The following RNASEL variants were observed in gnomAD, a reference collection of about 807,000 sequenced individuals.
RNASEL encodes 2-5A-dependent ribonuclease.
In RNASEL, 36 loss-of-function variants were observed where a neutral mutation model predicts 50.9. That is an observed-to-expected ratio of 0.71 (90% CI 0.54 to 0.93). The LOEUF (loss-of-function observed/expected upper bound fraction) is 0.93, where lower values mean the gene tolerates loss of function less well. Ranked by LOEUF, RNASEL falls within the 40% of genes least tolerant of loss-of-function variation. RNASEL has a pLI of 0.00. For missense variants in RNASEL, 860 were observed against 894.5 expected (o/e 0.96, Z 0.49); for synonymous variants, 335 against 335.6 (o/e 1.00, Z 0.02).
At position 182,582,176 on chromosome 1, in the gene RNASEL, A is replaced by G; in HGVS notation, c.1649T>C (p.Val550Ala). 1 of 1,614,140 alleles carries G rather than the reference A, an allele frequency of 6.2e-7. No homozygotes were observed. The highest frequency in any genetic ancestry group is 8.5e-7 in the Non-Finnish European group (1 of 1,180,024). The change falls in exon 4 of 7, where the codon GTG becomes GCG. Residue 550 changes from valine (V) to alanine (A), a missense_variant. Physicochemically the swap from Val to Ala is moderately conservative, Grantham distance 64. Coordinates refer to ENST00000367559, the MANE Select transcript of RNASEL (RefSeq NM_021133.4). ...EDLKAQSNEE[V>A]VQLSPDEETK... ...TTCCTCATCTGGAGAAAGTTGAACCACCTCTTCATTACTTTGAGCTTTCAG... is the reference window on the plus strand; with the variant it reads ...TTCCTCATCTGGAGAAAGTTGAACCGCCTCTTCATTACTTTGAGCTTTCAG...
intron 5 of RNASEL, among the ~76,000 whole-genome samples, chr1:182,577,874 T>C (rs1317113694): frequency 6.6e-6 from 1 of 152,022 alleles, no homozygotes; most frequent in Non-Finnish European, 1.5e-5. Context: ...GGCAAAAACA[T>C]ACACTGGGAA....
intron 3 of RNASEL, among the ~76,000 whole-genome samples, chr1:182,583,553 G>A (rs1328457606): frequency 2.0e-5 from 3 of 152,060 alleles, no homozygotes; most frequent in South Asian, 2.1e-4. Flanking sequence ...GGGTGTTGCC[G>A]AAGGAGAGCA....
intron 5 of RNASEL, among the ~76,000 whole-genome samples, chr1:182,580,659 G>A (rs1352619210): frequency 6.6e-6 from 1 of 152,238 alleles, no homozygotes; most frequent in East Asian, 1.9e-4. Context: ...AGATTGAGAT[G>A]ATGACTAATT....
chr1:182,581,444 T>A, intron 4 of RNASEL, 87 bp from the exon 5 acceptor site: 10 of 1,516,206 alleles, frequency 6.6e-6, no homozygotes, highest in Non-Finnish European at 9.1e-6. Flanking sequence ...TAGATTTTGG[T>A]GTTTTTTGTG....
At chr1:182,579,093 G>A (rs1661443498) in intron 5 of RNASEL, 2 of 244,854 alleles carry the variant, frequency 8.2e-6, no homozygotes, top group Non-Finnish European at 1.3e-5. Context: ...AGGGTTGGAG[G>A]GAGAGGGATG....
In RNASEL at chr1:182,574,414, T is replaced by C. The variant is rs921901215; in HGVS notation, c.*978A>G. On this transcript the variant is annotated 3_prime_UTR_variant, in exon 7 of 7. Coordinates refer to ENST00000367559, the MANE Select transcript of RNASEL (RefSeq NM_021133.4). ...CTGTGGGGCTGACACCAGAAGGAAC[T>C]CCATCACTACAGATCCAGCAAGAGT... is the stretch of plus-strand genomic sequence containing the variant. 4.4e-6 allele frequency: 1 copy of C among 229,334 alleles called. No individual in the cohort carries two copies. The highest frequency in any genetic ancestry group is 8.6e-6 in the Non-Finnish European group (1 of 115,742). The allele number at this position is 229,334 out of a possible 1,614,324, so 14.2% of individuals were successfully genotyped here.
At chr1:182,588,747 G>A (rs1249492369) in intron 1 of RNASEL, among the ~76,000 whole-genome samples, 1 of 152,216 alleles carries the variant, frequency 6.6e-6, no homozygotes, top group Non-Finnish European at 1.5e-5. Context: ...TTGAACCAAA[G>A]TGTTTGTGTA....
Position 182,586,383 on chromosome 1 carries a change from T to C in RNASEL, c.424A>G (p.Lys142Glu). ...AAVYGKVKAL[K>E]FLYKRGANVN... ...TTTGCTCCTCTCTTATAAAGGAATT[T>C]TAGGGCTTTGACCTTACCATACACA... The change falls in exon 2 of 7, where the codon AAA (lysine) becomes GAA (glutamate). Residue 142 changes from lysine (K) to glutamate (E), a missense_variant. By Grantham distance (56) the Lys-to-Glu change is moderately conservative (BLOSUM62 1). Coordinates refer to ENST00000367559, the MANE Select transcript of RNASEL (RefSeq NM_021133.4). 6.2e-7 allele frequency: 1 copy of C among 1,614,208 alleles called. No homozygotes were observed. The highest frequency in any genetic ancestry group is 1.3e-5 in the African/African-American group (1 of 75,048).
At position 182,575,026 on chromosome 1, in the gene RNASEL, G is replaced by A. The variant is rs1353196561; in HGVS notation, c.*366C>T. 1.4e-5 allele frequency: 5 copies of A among 357,184 alleles called. No homozygotes were observed. Among genetic ancestry groups the A allele is most frequent in the African/African-American group, 1.0e-4 (5 of 48,700 alleles). 22.1% of individuals were successfully genotyped at this position (357,184 alleles called of 1,614,324 possible). A position where few individuals can be genotyped will look rare whatever the true frequency, so the allele number is the denominator to read the frequency against. ...AGTAGCTCACACTCTCTGAGTCTCA[G>A]GTTCCTCAGTTCTTAAATGGGGATG... On this transcript the variant is annotated 3_prime_UTR_variant, in exon 7 of 7. Coordinates refer to ENST00000367559, the MANE Select transcript of RNASEL (RefSeq NM_021133.4).
intron 5 of RNASEL, 85 bp from the exon 6 acceptor site, chr1:182,576,474 A>G: frequency 9.9e-7 from 1 of 1,009,652 alleles, no homozygotes; most frequent in South Asian, 1.5e-5. Context: ...GGCAAAATAT[A>G]AATTTGAATA....
At chr1:182,584,316 C>T (rs1661552317) in intron 2 of RNASEL, 150 bp from the exon 3 acceptor site, 2 of 670,760 alleles carry the variant, frequency 3.0e-6, no homozygotes, top group East Asian at 2.8e-5. Flanking sequence ...GCCATTCACC[C>T]CTCAAAACAC....
chr1:182,580,115 T>C (rs1661463254), intron 5 of RNASEL: 4 of 362,108 alleles, frequency 1.1e-5, no homozygotes, highest in Non-Finnish European at 5.5e-6. Context: ...TGATACTACG[T>C]AATCATTAGC....
In RNASEL at chr1:182,579,194, A is replaced by T. The variant is rs571312798; in HGVS notation, c.1905+2031T>A. On this transcript the variant is annotated intron_variant, in intron 5 of 6. Coordinates refer to ENST00000367559, the MANE Select transcript of RNASEL (RefSeq NM_021133.4). Reference sequence around the variant, plus strand: ...CCACTACACAATATATCCATGTAACAAAACTATACTAGTACCCTCTAAAAT... The same window carrying T: ...CCACTACACAATATATCCATGTAACTAAACTATACTAGTACCCTCTAAAAT... 2 of 967,714 alleles carry T rather than the reference A, an allele frequency of 2.1e-6. 1 individual carries two copies. Among genetic ancestry groups the T allele is most frequent in the South Asian group, 9.6e-5 (2 of 20,878 alleles). The allele number at this position is 967,714 out of a possible 1,614,324, so 59.9% of individuals were successfully genotyped here.
rs1661571802 is a variant in RNASEL, at chr1:182,585,377, A to G, written c.1430T>C (p.Leu477Ser). The change falls in exon 2 of 7, where the codon TTG becomes TCG. Residue 477 changes from leucine (L) to serine (S), a missense_variant. Transcript: ENST00000367559. ...ATCCTGGTGGGTGTATCCACAGGAC[A>G]AGTGTAGTTCTTGAACAGCCTTAAA... ...SIFKAVQELH[L>S]SCGYTHQDLQ... 7 of 1,614,206 alleles carry G rather than the reference A, an allele frequency of 4.3e-6. No individual in the cohort carries two copies. The highest frequency in any genetic ancestry group is 4.2e-6 in the Non-Finnish European group (5 of 1,180,006).
At chr1:182,582,307 G>C (rs1380073157) in intron 3 of RNASEL, 49 bp from the exon 4 acceptor site, 7 of 1,603,154 alleles carry the variant, frequency 4.4e-6, no homozygotes, top group Non-Finnish European at 6.0e-6. Context: ...AATTATTTGG[G>C]TAACCCTGGA....
At chr1:182,583,124 T>C (rs1571267629) in intron 3 of RNASEL, among the ~76,000 whole-genome samples, 1 of 152,196 alleles carries the variant, frequency 6.6e-6, no homozygotes, top group African/African-American at 2.4e-5. Flanking sequence ...ACTTTGTTCC[T>C]AGGTAGAAAA....
At chr1:182,577,782 T>G (rs1345988705) in intron 5 of RNASEL, among the ~76,000 whole-genome samples, 1 of 151,978 alleles carries the variant, frequency 6.6e-6, no homozygotes, top group Non-Finnish European at 1.5e-5. Flanking sequence ...GGTATAAAAA[T>G]AGACACATAG....
At chr1:182,587,690 A>G (rs990068378) in intron 1 of RNASEL, among the ~76,000 whole-genome samples, 1 of 151,808 alleles carries the variant, frequency 6.6e-6, no homozygotes, top group African/African-American at 2.4e-5. Flanking sequence ...CCCTCATTCA[A>G]TAAGAAAAAT....
chr1:182,583,712 G>A (rs1014764234), intron 3 of RNASEL, among the ~76,000 whole-genome samples: 3 of 152,162 alleles, frequency 2.0e-5, no homozygotes, highest in South Asian at 2.1e-4. Flanking sequence ...TCTTTCTCCC[G>A]TGCTGGATGC....
Sources: allele counts gnomAD v4.1 joint callset (sites outside exome capture counted in the v4.1 genomes callset), GRCh38; gene constraint gnomAD v4.1.1; transcripts MANE v1.5; gene names NCBI Gene and HGNC (gene_info 2026-07-23, HGNC 2026-07-21).